The following PCDH9 variants were observed in gnomAD, a reference collection of about 807,000 sequenced individuals.
The protein encoded by PCDH9 is protocadherin-9.
In PCDH9, 24 loss-of-function variants were observed where a neutral mutation model predicts 70.6. The observed-to-expected ratio is 0.34, with a 90% CI of 0.25 to 0.48. The LOEUF (loss-of-function observed/expected upper bound fraction) is 0.48. Among genes scored for constraint, PCDH9 ranks in the 20% least tolerant of loss-of-function variants. PCDH9 has a pLI of 0.99. For missense variants in PCDH9, 1,281 were observed against 1,503.6 expected (o/e 0.85, Z 2.45); for synonymous variants, 562 against 558.5 (o/e 1.01, Z -0.09).
At chr13:66,937,760 G>C (rs1323309109) in intron 2 of PCDH9, among the ~76,000 whole-genome samples, 3 of 151,884 alleles carry the variant, frequency 2.0e-5, no homozygotes, top group Non-Finnish European at 4.4e-5. Flanking sequence ...GGCAAACACC[G>C]AGCTGTAACC....
rs182008463 is a variant in PCDH9 at position 66,669,709 on chromosome 13, T to G, written c.3139-38298A>C. Among the ~76,000 whole-genome samples the G allele has an allele frequency of 2.6e-3, 403 of 152,272 alleles. 1 individual carries two copies. The highest frequency in any genetic ancestry group is 9.9e-3 in the South Asian group (48 of 4,826). On this transcript the variant is annotated intron_variant, in intron 3 of 4. Transcript: ENST00000377865. ...GTAGTTACTTGAGCTGATACACCTA[T>G]ACTAAAGGAACAAAGGAAATGATGG...
chr13:66,631,302 G>A lies in PCDH9; in HGVS notation c.3248C>T (p.Pro1083Leu). The change falls in exon 4 of 5, where the codon CCT (proline) becomes CTT (leucine). Residue 1083 changes from proline (P) to leucine (L), a missense_variant. Physicochemically the swap from Pro to Leu is moderately conservative, Grantham distance 98. Transcript: ENST00000377865. Reference sequence around the variant, plus strand: ...GTCCTGTGGCTGAACCAGAGGAAGAGGGTGTGAGATCAGGGTTCCACTACC... The same window carrying A: ...GTCCTGTGGCTGAACCAGAGGAAGAAGGTGTGAGATCAGGGTTCCACTACC... Reference protein sequence around the residue: ...PVGSGTLISHPLPLVQPQDEF... With the variant: ...PVGSGTLISHLLPLVQPQDEF... The A allele has an allele frequency of 6.2e-7, 1 of 1,607,202 alleles. No homozygotes were observed. The highest frequency in any genetic ancestry group is 8.5e-7 in the Non-Finnish European group (1 of 1,173,714).
At chr13:66,512,818 T>TTGTTG (rs955899685) in intron 4 of PCDH9, among the ~76,000 whole-genome samples, 2 of 151,964 alleles carry the variant, frequency 1.3e-5, no homozygotes, top group Admixed American at 6.6e-5. Flanking sequence ...CTTTCTTTTT[T>TTGTTG]TGTTTTGTTT....
intron 4 of PCDH9, among the ~76,000 whole-genome samples, chr13:66,506,151 C>A (rs1959211400): frequency 1.3e-5 from 2 of 152,224 alleles, no homozygotes; most frequent in South Asian, 4.1e-4. Flanking sequence ...CTTCCTTATC[C>A]TTGTCAAGTA....
intron 2 of PCDH9, among the ~76,000 whole-genome samples, chr13:66,973,742 C>T (rs2083565387): frequency 6.6e-6 from 1 of 151,898 alleles, no homozygotes; most frequent in South Asian, 2.1e-4. Context: ...TTTACATTTT[C>T]AATTTTTTGT....
chr13:67,059,292 C>G (rs916023172), intron 2 of PCDH9, among the ~76,000 whole-genome samples: 1 of 148,624 alleles, frequency 6.7e-6, no homozygotes, highest in African/African-American at 2.5e-5. Flanking sequence ...TCTCGTGAAT[C>G]TGACATTTCA....
chr13:66,655,885 C>T (rs910460652), intron 3 of PCDH9, among the ~76,000 whole-genome samples: 6 of 152,150 alleles, frequency 3.9e-5, no homozygotes, highest in African/African-American at 1.2e-4. Flanking sequence ...AATGATCTCT[C>T]CTGTTTTTAT....
intron 4 of PCDH9, among the ~76,000 whole-genome samples, chr13:66,308,902 A>G (rs1048489497): frequency 1.3e-5 from 2 of 152,092 alleles, no homozygotes; most frequent in African/African-American, 4.8e-5. Flanking sequence ...AAAAATAAAA[A>G]CAAAAACAAA....
chr13:66,548,757 CTAATTA>C (rs946124659), intron 4 of PCDH9, among the ~76,000 whole-genome samples: 5 of 151,870 alleles, frequency 3.3e-5, no homozygotes, highest in African/African-American at 9.7e-5. Flanking sequence ...AAAGGTAATT[CTAATTA>C]TTAGTCATGA....
chr13:66,886,845 A>T (rs2082012137), intron 3 of PCDH9, among the ~76,000 whole-genome samples: 1 of 152,148 alleles, frequency 6.6e-6, no homozygotes. Flanking sequence ...TTATAAAGTG[A>T]CAACAAACTA....
At chr13:66,446,036 C>T (rs1958082169) in intron 4 of PCDH9, among the ~76,000 whole-genome samples, 1 of 151,632 alleles carries the variant, frequency 6.6e-6, no homozygotes, top group Non-Finnish European at 1.5e-5. Context: ...AAAAATAAAG[C>T]ATTTCTCCAA....
chr13:67,072,601 G>C (rs912225045), intron 2 of PCDH9, among the ~76,000 whole-genome samples: 2 of 152,050 alleles, frequency 1.3e-5, no homozygotes, highest in African/African-American at 4.8e-5. Flanking sequence ...GTGAGAAAGA[G>C]ATATTGCATT....
At chr13:66,862,250 A>G (rs1019000078) in intron 3 of PCDH9, among the ~76,000 whole-genome samples, 2 of 152,144 alleles carry the variant, frequency 1.3e-5, no homozygotes, top group Non-Finnish European at 2.9e-5. Context: ...TTATCTTGTG[A>G]GTGTTCTATT....
intron 2 of PCDH9, among the ~76,000 whole-genome samples, chr13:67,001,512 G>A (rs1185201388): frequency 6.6e-6 from 1 of 151,548 alleles, no homozygotes; most frequent in Admixed American, 6.6e-5. Flanking sequence ...TGGCTGGCAT[G>A]GTCTGAGAAT....
At chr13:66,435,411 A>G (rs938302128) in intron 4 of PCDH9, among the ~76,000 whole-genome samples, 1 of 152,168 alleles carries the variant, frequency 6.6e-6, no homozygotes, top group African/African-American at 2.4e-5. Context: ...GGGTTTTATC[A>G]AAGCTAGTAA....
At chr13:67,189,276 A>G (rs962959677) in intron 2 of PCDH9, among the ~76,000 whole-genome samples, 1 of 151,872 alleles carries the variant, frequency 6.6e-6, no homozygotes, top group African/African-American at 2.4e-5. Context: ...GGACATTTGG[A>G]GAAATATCTT....
intron 2 of PCDH9, among the ~76,000 whole-genome samples, chr13:67,057,748 A>G (rs918848645): frequency 6.6e-6 from 1 of 152,142 alleles, no homozygotes; most frequent in African/African-American, 2.4e-5. Context: ...AAAAATAGAC[A>G]TGATACTTAG....
intron 3 of PCDH9, among the ~76,000 whole-genome samples, chr13:66,682,462 T>G (rs999399652): frequency 6.6e-6 from 1 of 152,072 alleles, no homozygotes; most frequent in Non-Finnish European, 1.5e-5. Flanking sequence ...AATTGAGTAC[T>G]CTTTTATGTA....
At chr13:66,314,057 A>C (rs1955609486) in intron 4 of PCDH9, among the ~76,000 whole-genome samples, 1 of 152,190 alleles carries the variant, frequency 6.6e-6, no homozygotes, top group South Asian at 2.1e-4. Flanking sequence ...CTCAAATGTT[A>C]ATATGTATAT....
Sources: gnomAD v4.1 joint callset for allele counts (sites outside exome capture counted in the v4.1 genomes callset) on GRCh38, gnomAD v4.1.1 for gene constraint, MANE v1.5 for transcripts, NCBI Gene and HGNC (gene_info 2026-07-23, HGNC 2026-07-21) for gene names.